Variants in SGCZ observed in about 807,000 individuals in gnomAD.
The protein encoded by SGCZ is sarcoglycan zeta.
A neutral mutation model predicts 41.3 loss-of-function variants in SGCZ; 40 were observed. The ratio of observed to expected loss-of-function variants is 0.97; its 90% confidence interval spans 0.75 to 1.26. The LOEUF (loss-of-function observed/expected upper bound fraction) is 1.26. Among genes scored for constraint, SGCZ ranks in the 50% most tolerant of loss-of-function variants. The pLI is 0.00. For missense variants in SGCZ, 552 were observed against 369.8 expected (o/e 1.49, Z -4.04); for synonymous variants, 206 against 137.5 (o/e 1.50, Z -3.49).
intron 1 of SGCZ, among the ~76,000 whole-genome samples, chr8:14,656,275 C>T (rs1466963765): frequency 6.6e-6 from 1 of 152,008 alleles, no homozygotes; most frequent in Non-Finnish European, 1.5e-5. Context: ...TTGTTTTAGC[C>T]ATTCTGATAA....
Position 14,521,136 on chromosome 8 carries a change from T to C in SGCZ, c.234+33596A>G, listed in dbSNP as rs186676094. On this transcript the variant is annotated intron_variant, in intron 2 of 7. Coordinates refer to ENST00000382080, the MANE Select transcript of SGCZ (RefSeq NM_139167.4). ...CAGCCAGGATACTGACATTGAATAG[T>C]AAAGAGGTAGAATATTTCCATCACC... 1.2e-3 allele frequency among the ~76,000 whole-genome samples: 187 copies of C among 152,300 alleles called. 3 individuals are homozygous for C. The highest frequency in any genetic ancestry group is 1.6e-4 in the Non-Finnish European group (11 of 68,016).
chr8:14,958,369 T>G (rs1342538152), intron 1 of SGCZ, among the ~76,000 whole-genome samples: 3 of 152,084 alleles, frequency 2.0e-5, no homozygotes, highest in African/African-American at 7.2e-5. Context: ...TAAAAGGTTG[T>G]GGTATGTTCA....
At chr8:15,039,286 C>G (rs900945620) in intron 1 of SGCZ, among the ~76,000 whole-genome samples, 1 of 152,090 alleles carries the variant, frequency 6.6e-6, no homozygotes, top group African/African-American at 2.4e-5. Context: ...GAATACTATC[C>G]ACTCTTAAAA....
At chr8:14,908,680 G>A (rs1399943067) in intron 1 of SGCZ, among the ~76,000 whole-genome samples, 2 of 150,734 alleles carry the variant, frequency 1.3e-5, no homozygotes, top group Non-Finnish European at 2.9e-5. Flanking sequence ...AACCTGGGAG[G>A]CGGAGCTTGC....
At chr8:14,110,734 G>C (rs1165812723) in intron 5 of SGCZ, among the ~76,000 whole-genome samples, 1 of 152,004 alleles carries the variant, frequency 6.6e-6, no homozygotes, top group Non-Finnish European at 1.5e-5. Flanking sequence ...ACCTGAACCA[G>C]GTATGAAGTC....
chr8:14,384,235 G>C (rs797002397), intron 2 of SGCZ, among the ~76,000 whole-genome samples: 1 of 151,948 alleles, frequency 6.6e-6, no homozygotes, highest in Non-Finnish European at 1.5e-5. Context: ...TTGTCCTTGC[G>C]ATAGTTTGCT....
At chr8:15,171,417 T>G (rs1799826553) in intron 1 of SGCZ, among the ~76,000 whole-genome samples, 2 of 152,176 alleles carry the variant, frequency 1.3e-5, no homozygotes, top group Non-Finnish European at 2.9e-5. Flanking sequence ...TTATTTAATT[T>G]TATCAGGCAC....
At chr8:15,125,479 T>C (rs1014556598) in intron 1 of SGCZ, among the ~76,000 whole-genome samples, 19 of 152,216 alleles carry the variant, frequency 1.2e-4, no homozygotes, top group Non-Finnish European at 1.2e-4. Context: ...CAAACTTCTC[T>C]GATCCTTCCA....
At chr8:15,205,595 C>A (rs1180696231) in intron 1 of SGCZ, among the ~76,000 whole-genome samples, 1 of 151,818 alleles carries the variant, frequency 6.6e-6, no homozygotes, top group African/African-American at 2.4e-5. Flanking sequence ...AATAAAAAGT[C>A]AAAAAATAAC....
At chr8:15,086,349 A>G (rs1421106360) in intron 1 of SGCZ, among the ~76,000 whole-genome samples, 3 of 152,316 alleles carry the variant, frequency 2.0e-5, no homozygotes, top group Non-Finnish European at 2.9e-5. Flanking sequence ...GACCATTCGC[A>G]TACCTTATTC....
chr8:15,004,777 A>T (rs1448042413), intron 1 of SGCZ, among the ~76,000 whole-genome samples: 1 of 152,170 alleles, frequency 6.6e-6, no homozygotes, highest in Non-Finnish European at 1.5e-5. Context: ...AGAGGTGGAA[A>T]ACTAGTAAAT....
chr8:14,454,749 A>T (rs1800693696), intron 2 of SGCZ, among the ~76,000 whole-genome samples: 1 of 152,178 alleles, frequency 6.6e-6, no homozygotes, highest in African/African-American at 2.4e-5. Context: ...ACCTTTGTAT[A>T]AAGGATAAGT....
rs1435021132 is a variant in SGCZ at position 14,088,354 on chromosome 8, C to T, written c.*2089G>A. Among the ~76,000 whole-genome samples the T allele has an allele frequency of 6.6e-6, 1 of 151,710 alleles. No individual in the cohort carries two copies. Among genetic ancestry groups the T allele is most frequent in the Non-Finnish European group, 1.5e-5 (1 of 67,820 alleles). On this transcript the variant is annotated 3_prime_UTR_variant, in exon 8 of 8. Coordinates refer to ENST00000382080, the MANE Select transcript of SGCZ (RefSeq NM_139167.4). ...CCAGTTCCTAATCAAAAGAATTATT[C>T]CCATTTGACTTAGAAAGTTTCTAAT...
chr8:14,566,638 T>C (rs1270368625), intron 1 of SGCZ, among the ~76,000 whole-genome samples: 1 of 152,244 alleles, frequency 6.6e-6, no homozygotes, highest in Admixed American at 6.5e-5. Flanking sequence ...TTTTACATGA[T>C]AGTGAGAGGT....
At chr8:15,113,719 G>C (rs551179923) in intron 1 of SGCZ, among the ~76,000 whole-genome samples, 4 of 152,070 alleles carry the variant, frequency 2.6e-5, no homozygotes, top group African/African-American at 7.3e-5. Flanking sequence ...TTATGCAAAG[G>C]CTCCCACCAG....
intron 1 of SGCZ, among the ~76,000 whole-genome samples, chr8:14,990,978 T>A (rs1801995797): frequency 6.6e-6 from 1 of 152,180 alleles, no homozygotes; most frequent in Admixed American, 6.5e-5. Context: ...TTAAAAATAA[T>A]TCTTTGTCCT....
chr8:14,483,003 A>T (rs11203614), intron 2 of SGCZ, among the ~76,000 whole-genome samples: 137,640 of 152,002 alleles, frequency 0.91, 63,664 homozygotes, highest in East Asian at 1. Context: ...CACACACACA[A>T]ACACATATCC....
chr8:14,895,964 T>C (rs1436460350), intron 1 of SGCZ, among the ~76,000 whole-genome samples: 1 of 152,212 alleles, frequency 6.6e-6, no homozygotes, highest in African/African-American at 2.4e-5. Flanking sequence ...GCATTAAAAA[T>C]ACGTACATCC....
chr8:14,543,135 T>C (rs1318014702), intron 2 of SGCZ, among the ~76,000 whole-genome samples: 1 of 151,928 alleles, frequency 6.6e-6, no homozygotes, highest in Non-Finnish European at 1.5e-5. Flanking sequence ...TAATTATATA[T>C]TACATGTATT....
Sources: gnomAD v4.1 joint callset for allele counts (sites outside exome capture counted in the v4.1 genomes callset) on GRCh38, gnomAD v4.1.1 for gene constraint, MANE v1.5 for transcripts, NCBI Gene and HGNC (gene_info 2026-07-23, HGNC 2026-07-21) for gene names.